The following AFF2 variants were observed in gnomAD, a reference collection of about 807,000 sequenced individuals.
AFF2 encodes the protein ALF transcription elongation factor 2.
AFF2 carries 14 observed loss-of-function variants against 76.9 expected under a neutral mutation model. The ratio of observed to expected loss-of-function variants is 0.18; its 90% CI spans 0.12 to 0.28. AFF2 has a LOEUF of 0.28. Among genes scored for constraint, AFF2 ranks in the 10% least tolerant of loss-of-function variants. The pLI is 1.00. For missense variants in AFF2, 868 were observed against 1,001.1 expected, an observed-to-expected ratio of 0.87 and a Z score of 1.79; for synonymous variants, 398 against 366.7, an observed-to-expected ratio of 1.09 and a Z score of -0.98.
At chrX:148,765,566 G>A (rs782208080) in intron 3 of AFF2, among the ~76,000 whole-genome samples, 8 of 111,518 alleles carry the variant, frequency 7.2e-5, no homozygotes, top group South Asian at 7.6e-4. Context: ...AGCATACAGC[G>A]TTTCTGGCTA....
intron 4 of AFF2, among the ~76,000 whole-genome samples, chrX:148,835,870 C>G (rs2070518470): frequency 9.0e-6 from 1 of 111,022 alleles, no homozygotes; most frequent in South Asian, 3.8e-4. Flanking sequence ...TAACTATAGT[C>G]ACCATGTTAT....
intron 2 of AFF2, among the ~76,000 whole-genome samples, chrX:148,654,703 A>G (rs782796066): frequency 8.2e-5 from 9 of 109,199 alleles, no homozygotes; most frequent in African/African-American, 3.0e-4. Flanking sequence ...AGAAGGTGGG[A>G]ACAGAACATT....
intron 3 of AFF2, among the ~76,000 whole-genome samples, chrX:148,681,693 GAGAA>G (rs782693507): frequency 4.3e-4 from 46 of 108,057 alleles, no homozygotes; most frequent in Non-Finnish European, 6.3e-4. Context: ...GAAAGAAAAA[GAGAA>G]AGAAAGAAAG....
rs782056889 is a variant in AFF2, at chrX:148,691,660, G to T, written c.1041+28892G>T. The stretch of plus-strand genomic sequence containing the variant: ...GCATGAATAAAGTCTAGGGAATGTG[G>T]TGGTGAGTGGACCCAATGTAGTTTG... On this transcript the variant is annotated intron_variant, in intron 3 of 20. Coordinates refer to ENST00000370460, the MANE Select transcript of AFF2 (RefSeq NM_002025.4). Among the ~76,000 whole-genome samples, 3 of 111,881 alleles carry T rather than the reference G, an allele frequency of 2.7e-5. No individual in the cohort carries two copies. In the South Asian group the frequency reaches 1.1e-3, roughly 42 times the overall value.
intron 1 of AFF2, among the ~76,000 whole-genome samples, chrX:148,557,595 G>A (rs1557239842): frequency 8.9e-6 from 1 of 111,864 alleles, no homozygotes; most frequent in Non-Finnish European, 1.9e-5. Flanking sequence ...AGAGAGCAAG[G>A]TGGGAGCAAG....
intron 1 of AFF2, among the ~76,000 whole-genome samples, chrX:148,630,627 C>T (rs2053970608): frequency 9.0e-6 from 1 of 111,580 alleles, no homozygotes; most frequent in East Asian, 2.8e-4. Flanking sequence ...ATCTTGCAGA[C>T]GAATGTCCTC....
chrX:148,670,985 T>A (rs1270256082), intron 3 of AFF2, among the ~76,000 whole-genome samples: 7 of 111,553 alleles, frequency 6.3e-5, no homozygotes, highest in African/African-American at 9.8e-5. Flanking sequence ...TTCTTTCTTT[T>A]TCCTCAAGTC....
chrX:148,581,018 A>ATATAC lies in AFF2; in HGVS notation c.48-70981_48-70980insTATAC, dbSNP rs1569551572. Among the ~76,000 whole-genome samples the ATATAC allele has an allele frequency of 4.7e-3, 219 of 46,251 alleles. 6 individuals carry two copies. The highest frequency in any genetic ancestry group is 0.016 in the African/African-American group (210 of 12,881). The allele number at this position is 46,251 out of a possible 115,157, so 40.2% of individuals were successfully genotyped here. On this transcript the variant is annotated intron_variant, in intron 1 of 20. Coordinates refer to ENST00000370460, the MANE Select transcript of AFF2 (RefSeq NM_002025.4). ...TACATATATGCACCTCCTACACACA[A>ATATAC]ACATATGTGTATATATACACACATA...
intron 13 of AFF2, among the ~76,000 whole-genome samples, chrX:148,966,458 C>T (rs920465698): frequency 9.1e-6 from 1 of 109,560 alleles, no homozygotes; most frequent in Admixed American, 9.7e-5. Flanking sequence ...CCCTCCTCCT[C>T]TCTCCTCTCT....
At chrX:148,569,797 A>G (rs1484379373) in intron 1 of AFF2, among the ~76,000 whole-genome samples, 1 of 111,831 alleles carries the variant, frequency 8.9e-6, no homozygotes, top group Non-Finnish European at 1.9e-5. Flanking sequence ...TGTTTAATGA[A>G]TAAATGAAAT....
rs1557292692 is a variant in AFF2 at position 148,994,159 on chromosome X, C to T, written c.*2827C>T. On this transcript the variant is annotated 3_prime_UTR_variant, in exon 21 of 21. Coordinates refer to ENST00000370460, the MANE Select transcript of AFF2 (RefSeq NM_002025.4). ...AGAGTAAAAGGAAGCTCCATCTGAGCAAGTACACCAAATGATCTCAGCCCT... is the reference window on the plus strand; with the variant it reads ...AGAGTAAAAGGAAGCTCCATCTGAGTAAGTACACCAAATGATCTCAGCCCT... The T allele has an allele frequency of 9.0e-6, 1 of 111,574 alleles. No homozygotes were observed. The highest frequency in any genetic ancestry group is 9.6e-5 in the Admixed American group (1 of 10,468). 9.2% of individuals were successfully genotyped at this position (111,574 alleles called of 1,213,427 possible).
chrX:148,945,470 C>T (rs1431501144), intron 9 of AFF2, among the ~76,000 whole-genome samples: 2 of 112,056 alleles, frequency 1.8e-5, no homozygotes, highest in Non-Finnish European at 3.8e-5. Context: ...ACTTCTTTTT[C>T]TCCCAGTGGC....
chrX:148,516,122 C>T (rs1326518417), intron 1 of AFF2, among the ~76,000 whole-genome samples: 5 of 111,292 alleles, frequency 4.5e-5, no homozygotes, highest in African/African-American at 1.6e-4. Flanking sequence ...GGTCAAAGGA[C>T]AGCTTGCCTA....
chrX:148,656,013 C>G (rs2054247898), intron 2 of AFF2, among the ~76,000 whole-genome samples: 2 of 112,099 alleles, frequency 1.8e-5, no homozygotes, highest in South Asian at 7.5e-4. Context: ...CCAATAGCGC[C>G]AGTGGTTCAT....
intron 3 of AFF2, among the ~76,000 whole-genome samples, chrX:148,789,330 C>T (rs189058359): frequency 2.0e-3 from 229 of 111,798 alleles, no homozygotes; most frequent in African/African-American, 7.2e-3. Flanking sequence ...GATTATACCA[C>T]GATTCCAACA....
At chrX:148,577,294 TGTGC>T (rs1173487282) in intron 1 of AFF2, among the ~76,000 whole-genome samples, 1 of 112,503 alleles carries the variant, frequency 8.9e-6, no homozygotes, top group Non-Finnish European at 1.9e-5. Context: ...TGTGTGTGTG[TGTGC>T]GCGCACACAC....
intron 9 of AFF2, among the ~76,000 whole-genome samples, chrX:148,940,255 C>T (rs782214484): frequency 1.8e-5 from 2 of 111,576 alleles, no homozygotes; most frequent in Non-Finnish European, 3.8e-5. Flanking sequence ...GTTGTCAAAG[C>T]CTTGTCTACA....
At position 148,997,786 on chromosome X, in the gene AFF2, A is replaced by AT. The variant is rs1419391194; in HGVS notation, c.*6454_*6455insT. On this transcript the variant is annotated 3_prime_UTR_variant, in exon 21 of 21. Coordinates refer to ENST00000370460, the MANE Select transcript of AFF2 (RefSeq NM_002025.4). ...GTTTTCACAGCTACAAAGAGCTAGA[A>AT]ATGTGTTTAACATCATCCAGTGCAT... The AT allele has an allele frequency of 8.9e-6, 1 of 112,452 alleles. No individual in the cohort carries two copies. The highest frequency in any genetic ancestry group is 1.9e-5 in the Non-Finnish European group (1 of 53,339). 9.3% of individuals were successfully genotyped at this position (112,452 alleles called of 1,213,427 possible). A position where few individuals can be genotyped will look rare whatever the true frequency, so the allele number is the denominator to read the frequency against.
chrX:148,970,346 C>G (rs1374667118), intron 15 of AFF2, among the ~76,000 whole-genome samples: 2 of 111,826 alleles, frequency 1.8e-5, no homozygotes, highest in Non-Finnish European at 3.8e-5. Flanking sequence ...TGTACTTAAT[C>G]CTTTGCTAGA....
Sources: gnomAD v4.1 joint callset for allele counts (sites outside exome capture counted in the v4.1 genomes callset) on GRCh38, gnomAD v4.1.1 for gene constraint, MANE v1.5 for transcripts, NCBI Gene and HGNC (gene_info 2026-07-23, HGNC 2026-07-21) for gene names.